Variants in ACMSD observed in about 807,000 individuals in gnomAD.
ACMSD encodes the protein aminocarboxymuconate semialdehyde decarboxylase.
Under a neutral mutation model 45.9 loss-of-function variants are expected in ACMSD, and 37 were observed. That is an observed-to-expected ratio of 0.81 (90% CI 0.62 to 1.06). The LOEUF is 1.06. Ranked by LOEUF, ACMSD falls within the 50% of genes least tolerant of loss-of-function variation. The pLI is 0.00. For synonymous variants in ACMSD, 138 were observed against 148.8 expected, an observed-to-expected ratio of 0.93 and a Z score of 0.53; for missense variants, 434 against 420.9, an observed-to-expected ratio of 1.03 and a Z score of -0.27.
intron 8 of ACMSD, among the ~76,000 whole-genome samples, chr2:134,891,259 T>C (rs910810901): frequency 3.3e-5 from 5 of 152,142 alleles, no homozygotes; most frequent in East Asian, 3.8e-4. Flanking sequence ...AGTATTTTTA[T>C]ATTTTCAGGT....
chr2:134,879,086 A>G (rs1176740293), intron 8 of ACMSD, among the ~76,000 whole-genome samples: 1 of 152,112 alleles, frequency 6.6e-6, no homozygotes, highest in African/African-American at 2.4e-5. Flanking sequence ...TATGCCCTGG[A>G]TTTAGTTTTT....
At chr2:134,841,264 C>T (rs1440308880) in intron 1 of ACMSD, among the ~76,000 whole-genome samples, 1 of 152,134 alleles carries the variant, frequency 6.6e-6, no homozygotes, top group African/African-American at 2.4e-5. Context: ...AATCCCAGAG[C>T]TATGAGAGGC....
intron 1 of ACMSD, among the ~76,000 whole-genome samples, chr2:134,841,059 A>G (rs1686784251): frequency 6.6e-6 from 1 of 152,228 alleles, no homozygotes; most frequent in African/African-American, 2.4e-5. Flanking sequence ...TAGTAGTCTC[A>G]TATGCTGCAA....
intron 3 of ACMSD, among the ~76,000 whole-genome samples, chr2:134,860,856 CAAAAAAAAAA>C (rs60233157): frequency 2.8e-4 from 20 of 72,456 alleles, no homozygotes; most frequent in South Asian, 5.6e-4. Flanking sequence ...CCTGTCTCCA[CAAAAAAAAAA>C]AAAAAAAAAA....
At chr2:134,883,100 A>G (rs953042342) in intron 8 of ACMSD, among the ~76,000 whole-genome samples, 1 of 152,192 alleles carries the variant, frequency 6.6e-6, no homozygotes, top group Admixed American at 6.5e-5. Flanking sequence ...CAGCCATGGT[A>G]CCTAAAATGT....
At chr2:134,864,905 CCTT>C (rs1419755434) in intron 5 of ACMSD, among the ~76,000 whole-genome samples, 1 of 152,184 alleles carries the variant, frequency 6.6e-6, no homozygotes, top group Non-Finnish European at 1.5e-5. Flanking sequence ...TATAACCAAA[CCTT>C]CTCATCTCAG....
chr2:134,866,388 A>T (rs1056624277), intron 5 of ACMSD, among the ~76,000 whole-genome samples: 1 of 152,208 alleles, frequency 6.6e-6, no homozygotes. Flanking sequence ...ATGACCATGC[A>T]CCTTTGCCAA....
chr2:134,881,049 G>C (rs1445765756), intron 8 of ACMSD, among the ~76,000 whole-genome samples: 1 of 152,180 alleles, frequency 6.6e-6, no homozygotes, highest in Non-Finnish European at 1.5e-5. Context: ...ACCCAGGCTG[G>C]AGTGCAGTGG....
In ACMSD at chr2:134,902,012, TGTAA is replaced by T. The variant is rs1387079312; in HGVS notation, c.*155_*158del. The T allele has an allele frequency of 2.9e-5, 14 of 479,924 alleles. No homozygotes were observed. Among genetic ancestry groups the T allele is most frequent in the Admixed American group, 8.2e-5 (2 of 24,538 alleles). 29.7% of individuals were successfully genotyped at this position (479,924 alleles called of 1,614,324 possible). A position where few individuals can be genotyped will look rare whatever the true frequency, so the allele number is the denominator to read the frequency against. Reference sequence around the variant, plus strand: ...TAAATTATTCATAATAAAAATGATTTGTAAGTGTTTTCATTCTGAAAAGCAGTAC... The same window carrying T: ...TAAATTATTCATAATAAAAATGATTTGTGTTTTCATTCTGAAAAGCAGTAC... On this transcript the variant is annotated 3_prime_UTR_variant, in exon 10 of 10. Transcript: ENST00000356140.
chr2:134,872,566 C>T lies in ACMSD; in HGVS notation c.774C>T (p.Tyr258=). Residue 258 remains tyrosine (Y), a synonymous_variant, in exon 8 of 10, where the codon TAC becomes TAT. Coordinates refer to ENST00000356140, the MANE Select transcript of ACMSD (RefSeq NM_138326.3). ...AQDNPMNPKK[Y]LGSFYTDALV... ...ACAACCCCATGAACCCGAAGAAATA[C>T]CTTGGTTCCTTTTACACAGATGCTT... The T allele has an allele frequency of 6.2e-7, 1 of 1,614,126 alleles. No individual in the cohort carries two copies. The highest frequency in any genetic ancestry group is 8.5e-7 in the Non-Finnish European group (1 of 1,180,036).
At chr2:134,839,857 C>T (rs1191887936) in intron 1 of ACMSD, among the ~76,000 whole-genome samples, 3 of 152,070 alleles carry the variant, frequency 2.0e-5, no homozygotes, top group African/African-American at 7.2e-5. Context: ...TGCTGTTGTC[C>T]TCATCATAGT....
At chr2:134,869,456 G>A (rs1355527814) in intron 6 of ACMSD, among the ~76,000 whole-genome samples, 1 of 151,858 alleles carries the variant, frequency 6.6e-6, no homozygotes, top group Non-Finnish European at 1.5e-5. Flanking sequence ...CAAGTGATCT[G>A]CCCACCTTGG....
At chr2:134,847,846 CTTCT>C (rs930269330) in intron 2 of ACMSD, among the ~76,000 whole-genome samples, 4 of 129,278 alleles carry the variant, frequency 3.1e-5, no homozygotes, top group South Asian at 3.0e-4. Context: ...ATTTTCTTTT[CTTCT>C]TTTTCTTTTT....
At chr2:134,875,570 T>C (rs1259934954) in intron 8 of ACMSD, among the ~76,000 whole-genome samples, 2 of 152,206 alleles carry the variant, frequency 1.3e-5, no homozygotes, top group Admixed American at 6.5e-5. Context: ...TGCTTTTAAA[T>C]TCTTTGCTTT....
chr2:134,880,963 C>T (rs938311623), intron 8 of ACMSD, among the ~76,000 whole-genome samples: 9 of 152,004 alleles, frequency 5.9e-5, no homozygotes, highest in Non-Finnish European at 1.3e-4. Context: ...TTAGACTTTC[C>T]GCCACCCCAA....
At chr2:134,871,678 G>GACACACACACACAC (rs368267244) in intron 7 of ACMSD, among the ~76,000 whole-genome samples, 95 of 137,724 alleles carry the variant, frequency 6.9e-4, no homozygotes, top group East Asian at 5.6e-3. Context: ...CCCTTCAACA[G>GACACACACACACAC]ACAGACACAC....
intron 2 of ACMSD, among the ~76,000 whole-genome samples, chr2:134,854,078 G>A (rs1687471149): frequency 6.6e-6 from 1 of 152,102 alleles, no homozygotes; most frequent in Non-Finnish European, 1.5e-5. Context: ...TAAAATGCAA[G>A]GGCTGAACTA....
chr2:134,867,759 A>G (rs1688177335), intron 6 of ACMSD, 87 bp downstream of exon 6: 4 of 1,049,004 alleles, frequency 3.8e-6, no homozygotes, highest in African/African-American at 1.6e-5. Flanking sequence ...CAAATAGGGA[A>G]AGTATGAATA....
chr2:134,843,646 G>T (rs752620664), intron 1 of ACMSD, among the ~76,000 whole-genome samples: 2 of 152,176 alleles, frequency 1.3e-5, no homozygotes, highest in Admixed American at 1.3e-4. Flanking sequence ...AGCCACAAGT[G>T]AGAGGTTGAG....
Sources: allele counts gnomAD v4.1 joint callset (sites outside exome capture counted in the v4.1 genomes callset), GRCh38; gene constraint gnomAD v4.1.1; transcripts MANE v1.5; gene names NCBI Gene and HGNC (gene_info 2026-07-23, HGNC 2026-07-21).